The following MAGI1 variants were observed in gnomAD, a reference collection of about 807,000 sequenced individuals.
MAGI1 encodes membrane associated guanylate kinase, WW and PDZ domain containing 1.
In MAGI1, 58 loss-of-function variants were observed where a neutral mutation model predicts 139.9. That is an observed-to-expected ratio of 0.41 (90% CI 0.34 to 0.52). MAGI1 has a LOEUF of 0.52. Among genes scored for constraint, MAGI1 ranks in the 20% least tolerant of loss-of-function variants. The probability of loss-of-function intolerance (pLI) is 0.12; values close to 1 mark genes in which losing one functional copy is unlikely to be tolerated. For synonymous variants in MAGI1, 812 were observed against 737.9 expected, an observed-to-expected ratio of 1.10 and a Z score of -1.63; for missense variants, 1,874 against 1,901.6, an observed-to-expected ratio of 0.99 and a Z score of 0.27.
chr3:65,727,001 C>G (rs957132316), intron 1 of MAGI1, among the ~76,000 whole-genome samples: 7 of 151,422 alleles, frequency 4.6e-5, no homozygotes, highest in Non-Finnish European at 5.9e-5. Flanking sequence ...ACTTCTGGTC[C>G]CAAGCATTCC....
chr3:65,573,201 C>T (rs896912182), intron 2 of MAGI1, among the ~76,000 whole-genome samples: 1 of 151,954 alleles, frequency 6.6e-6, no homozygotes, highest in African/African-American at 2.4e-5. Context: ...ACATATTATA[C>T]AACTCATTTT....
chr3:65,622,065 G>C lies in MAGI1; in HGVS notation c.337C>G (p.Arg113Gly). 3 of 1,613,720 alleles carry C rather than the reference G, an allele frequency of 1.9e-6. No homozygotes were observed. Among genetic ancestry groups the C allele is most frequent in the Non-Finnish European group, 1.7e-6 (2 of 1,179,730 alleles). The change falls in exon 2 of 23, where the codon CGA (arginine) becomes GGA (glycine). Residue 113 changes from arginine (R) to glycine (G), a missense_variant. By Grantham distance (125) the Arg-to-Gly change is moderately radical. This residue lies in a region of MAGI1 where 648 missense variants were observed against 598.1 expected (regional missense o/e 1.08). Coordinates refer to ENST00000402939, the MANE Select transcript of MAGI1 (RefSeq NM_001033057.2). ...RQGGRLNKDLRHFLNQRFQKG... is the reference protein window; with the variant it reads ...RQGGRLNKDLGHFLNQRFQKG... ...TGGAATCGCTGATTGAGAAAATGTC[G>C]CAGGTCCTTGTTCAGCCTTCCTCCT...
At chr3:65,405,987 A>C (rs1239554917) in intron 12 of MAGI1, among the ~76,000 whole-genome samples, 2 of 152,142 alleles carry the variant, frequency 1.3e-5, no homozygotes, top group Non-Finnish European at 2.9e-5. Flanking sequence ...CAGCCTCCCA[A>C]AGTGCTGGGA....
intron 4 of MAGI1, among the ~76,000 whole-genome samples, chr3:65,474,134 A>C (rs1950722827): frequency 6.6e-6 from 1 of 152,140 alleles, no homozygotes; most frequent in Admixed American, 6.5e-5. Context: ...GTGTAGTGGC[A>C]CGTGTCCATA....
Position 65,401,462 on chromosome 3 carries a change from C to G in MAGI1, c.2176G>C (p.Val726Leu), listed in dbSNP as rs1944887953. The change falls in exon 13 of 23, where the codon GTT (valine) becomes CTT (leucine). Residue 726 changes from valine (V) to leucine (L), a missense_variant. By Grantham distance (32) the Val-to-Leu change is conservative. Around this residue, in one of 5 missense-constraint regions of MAGI1, gnomAD observed 482 missense variants for 509.6 expected, o/e 0.95. Transcript: ENST00000402939. ...TLLVQRGGLPVPKKSPKSQPL... is the reference protein window; with the variant it reads ...TLLVQRGGLPLPKKSPKSQPL... ...ACCGACTTTGGGCTCTTCTTGGGAACTGGCAGCCCTGGAAAAAATGCAACA... is the reference window on the plus strand; with the variant it reads ...ACCGACTTTGGGCTCTTCTTGGGAAGTGGCAGCCCTGGAAAAAATGCAACA... 2 of 1,601,352 alleles carry G rather than the reference C, an allele frequency of 1.2e-6. No individual in the cohort carries two copies. Among genetic ancestry groups the G allele is most frequent in the African/African-American group, 1.4e-5 (1 of 73,432 alleles).
intron 1 of MAGI1, among the ~76,000 whole-genome samples, chr3:65,694,041 G>C (rs1165496882): frequency 6.6e-6 from 1 of 151,752 alleles, no homozygotes; most frequent in East Asian, 1.9e-4. Context: ...TCTTAACGGA[G>C]GACCAAAAAA....
At chr3:65,848,317 A>C (rs2059078639) in intron 1 of MAGI1, among the ~76,000 whole-genome samples, 1 of 152,204 alleles carries the variant, frequency 6.6e-6, no homozygotes, top group Non-Finnish European at 1.5e-5. Flanking sequence ...GAAGCAACTT[A>C]GAATGTTTCG....
At chr3:65,385,645 G>T (rs1313721278) in intron 14 of MAGI1, among the ~76,000 whole-genome samples, 1 of 152,180 alleles carries the variant, frequency 6.6e-6, no homozygotes, top group Non-Finnish European at 1.5e-5. Flanking sequence ...CAAGTCAGAG[G>T]AGTTTGAATC....
At chr3:65,483,796 T>C (rs1243631984) in intron 3 of MAGI1, among the ~76,000 whole-genome samples, 2 of 152,212 alleles carry the variant, frequency 1.3e-5, no homozygotes, top group South Asian at 4.1e-4. Flanking sequence ...AGGAAGCCAC[T>C]GCTGGCCTTA....
At chr3:65,914,932 T>A (rs1421160231) in intron 1 of MAGI1, among the ~76,000 whole-genome samples, 1 of 152,172 alleles carries the variant, frequency 6.6e-6, no homozygotes, top group East Asian at 1.9e-4. Flanking sequence ...GGGATAGTAG[T>A]GAAAGTTACA....
chr3:65,420,878 G>A (rs896793008), intron 12 of MAGI1, among the ~76,000 whole-genome samples: 1 of 152,182 alleles, frequency 6.6e-6, no homozygotes, highest in Non-Finnish European at 1.5e-5. Flanking sequence ...TAGAACAAAA[G>A]TAAAAGTTTT....
At chr3:65,456,378 T>C (rs2107513725) in intron 5 of MAGI1, among the ~76,000 whole-genome samples, 1 of 152,160 alleles carries the variant, frequency 6.6e-6, no homozygotes, top group African/African-American at 2.4e-5. Context: ...AATGGTTTGA[T>C]ATTTTTTTTT....
intron 2 of MAGI1, among the ~76,000 whole-genome samples, chr3:65,569,628 G>C (rs1431604931): frequency 6.6e-6 from 1 of 152,080 alleles, no homozygotes; most frequent in East Asian, 1.9e-4. Context: ...TGTAATCCCA[G>C]CACTTTGAGA....
intron 1 of MAGI1, among the ~76,000 whole-genome samples, chr3:65,963,185 A>AT (rs1241900573): frequency 2.7e-5 from 4 of 150,292 alleles, no homozygotes; most frequent in Non-Finnish European, 5.9e-5. Flanking sequence ...TGGGAGTGGC[A>AT]TTTGTAGTCC....
At chr3:65,440,846 CATATGTAT>C (rs1559556154) in intron 8 of MAGI1, among the ~76,000 whole-genome samples, 2 of 32,118 alleles carry the variant, frequency 6.2e-5, no homozygotes, top group Non-Finnish European at 1.9e-4. Context: ...TACATATATA[CATATGTAT>C]ACATATATAT....
intron 1 of MAGI1, among the ~76,000 whole-genome samples, chr3:65,666,066 G>A (rs1054613212): frequency 1.3e-5 from 2 of 151,954 alleles, no homozygotes; most frequent in Non-Finnish European, 2.9e-5. Context: ...ACTCCACCCA[G>A]AACTCTAGCC....
At chr3:65,719,400 A>T (rs908192196) in intron 1 of MAGI1, among the ~76,000 whole-genome samples, 2 of 151,882 alleles carry the variant, frequency 1.3e-5, no homozygotes, top group Admixed American at 1.3e-4. Flanking sequence ...TAAATTAAAA[A>T]TATTATGTAT....
chr3:65,365,373 T>C (rs1941315050), intron 18 of MAGI1, among the ~76,000 whole-genome samples: 1 of 152,216 alleles, frequency 6.6e-6, no homozygotes. Context: ...CAGCAATATT[T>C]AGTGAGTCGG....
intron 2 of MAGI1, among the ~76,000 whole-genome samples, chr3:65,524,758 C>T (rs190603918): frequency 2.0e-5 from 3 of 152,234 alleles, no homozygotes; most frequent in Admixed American, 6.5e-5. Flanking sequence ...ATACATCAGG[C>T]CATGCAGAAT....
Sources: allele counts gnomAD v4.1 joint callset (sites outside exome capture counted in the v4.1 genomes callset), GRCh38; gene constraint gnomAD v4.1.1; regional missense constraint gnomAD v4.1.1; transcripts MANE v1.5; gene names NCBI Gene and HGNC (gene_info 2026-07-23, HGNC 2026-07-21).